The following ZNF106 variants were observed in gnomAD, a reference collection of about 807,000 sequenced individuals.
ZNF106 encodes the protein zinc finger protein 106, also known as SH3-domain binding protein 3.
A neutral mutation model predicts 195.1 loss-of-function variants in ZNF106; 67 were observed. The observed-to-expected ratio is 0.34, with a 90% confidence interval of 0.28 to 0.42. The LOEUF is 0.42. ZNF106 is among the 10% of genes least tolerant of loss of function. The pLI is 1.00. For synonymous variants in ZNF106, 784 were observed against 818.6 expected (o/e 0.96, Z 0.72); for missense variants, 2,118 against 2,304.5 (o/e 0.92, Z 1.66).
rs1422884439 is a variant in ZNF106 at position 42,417,321 on chromosome 15, T to C, written c.5704A>G (p.Ser1902Gly). Residue 1902 changes from serine (S) to glycine (G), a missense_variant, in exon 22 of 22, where the codon AGC becomes GGC. Coordinates refer to ENST00000564754, the MANE Select transcript of ZNF106 (RefSeq NM_001366845.3). ...GHIERHAEDD[S>G]KIDS is the part of the protein sequence containing the mutation. The stretch of plus-strand genomic sequence containing the variant: ...AAAAAACTTCATGAATCAATTTTGC[T>C]GTCATCTTCAGCATGTCGTTCAATA... 1 of 1,614,148 alleles carries C rather than the reference T, an allele frequency of 6.2e-7. No individual in the cohort carries two copies. The highest frequency in any genetic ancestry group is 8.5e-7 in the Non-Finnish European group (1 of 1,180,004).
intron 3 of ZNF106, among the ~76,000 whole-genome samples, chr15:42,461,404 T>C (rs1219270133): frequency 6.6e-6 from 1 of 152,256 alleles, no homozygotes; most frequent in Admixed American, 6.5e-5. Context: ...ATTAGCTTCA[T>C]CCTGTTACCA....
intron 3 of ZNF106, among the ~76,000 whole-genome samples, chr15:42,459,287 C>T (rs112584740): frequency 9.9e-4 from 150 of 152,036 alleles, no homozygotes; most frequent in Non-Finnish European, 1.3e-3. Context: ...ACCACCCGGG[C>T]CAAACTGGTA....
chr15:42,452,681 C>CTTTTT (rs1322441388), intron 4 of ZNF106, among the ~76,000 whole-genome samples: 6 of 101,900 alleles, frequency 5.9e-5, no homozygotes, highest in African/African-American at 1.2e-4. Flanking sequence ...CTATAGTTAT[C>CTTTTT]TTTTTTTTTT....
intron 3 of ZNF106, 99 bp from the exon 4 acceptor site, chr15:42,457,257 T>G (rs776319803): frequency 6.4e-7 from 1 of 1,565,266 alleles, no homozygotes. Context: ...CTGCACACTT[T>G]GGCACAGTGA....
At chr15:42,442,686 T>C (rs2055600008) in intron 9 of ZNF106, among the ~76,000 whole-genome samples, 1 of 149,104 alleles carries the variant, frequency 6.7e-6, no homozygotes, top group African/African-American at 2.5e-5. Flanking sequence ...GTGCAAACAC[T>C]GCTCACTGCA....
intron 14 of ZNF106, among the ~76,000 whole-genome samples, chr15:42,431,926 T>C (rs959064267): frequency 2.6e-5 from 4 of 152,234 alleles, no homozygotes; most frequent in African/African-American, 7.2e-5. Flanking sequence ...TGTTGTACAG[T>C]TCTTGTATAT....
intron 15 of ZNF106, 24 bp from the exon 16 acceptor site, chr15:42,425,049 G>T (rs1279210510): frequency 9.3e-6 from 15 of 1,609,918 alleles, no homozygotes; most frequent in Non-Finnish European, 1.3e-5. Flanking sequence ...CAAGATTACA[G>T]CTAAAACCAA....
At chr15:42,479,953 A>G (rs950499888) in intron 1 of ZNF106, among the ~76,000 whole-genome samples, 6 of 152,142 alleles carry the variant, frequency 3.9e-5, no homozygotes, top group Admixed American at 2.0e-4. Flanking sequence ...AGGTTCAAGC[A>G]ATCTTTCCTA....
intron 1 of ZNF106, among the ~76,000 whole-genome samples, chr15:42,475,664 A>C (rs2056770576): frequency 6.6e-6 from 1 of 152,198 alleles, no homozygotes; most frequent in Admixed American, 6.5e-5. Flanking sequence ...CTGCTTTATA[A>C]TGTAACATCT....
chr15:42,459,621 A>C (rs1477942608), intron 3 of ZNF106, among the ~76,000 whole-genome samples: 1 of 152,252 alleles, frequency 6.6e-6, no homozygotes, highest in Non-Finnish European at 1.5e-5. Context: ...AAAGCAACAC[A>C]CAAAGAAGTT....
intron 1 of ZNF106, among the ~76,000 whole-genome samples, chr15:42,472,699 A>G (rs1391495779): frequency 6.6e-6 from 1 of 152,170 alleles, no homozygotes; most frequent in Non-Finnish European, 1.5e-5. Flanking sequence ...AGATTCTTAG[A>G]ATAAGATTCT....
In ZNF106 at chr15:42,452,031, T is replaced by C. The variant is rs548019619; in HGVS notation, c.318-77A>G. On this transcript the variant is annotated intron_variant, in intron 4 of 21. Transcript: ENST00000564754. ...CTTGAAAGGCATAACCCACCAAACT[T>C]CCCTTGTACTTTCCTCCCGTTACTT... 169 of 1,468,438 alleles carry C rather than the reference T, an allele frequency of 1.2e-4. No individual in the cohort carries two copies. The East Asian group carries it at 3.7e-3, about 32-fold the overall frequency. The allele number at this position is 1,468,438 out of a possible 1,614,324, so 91.0% of individuals were successfully genotyped here.
At chr15:42,480,287 T>G (rs1349730099) in intron 1 of ZNF106, among the ~76,000 whole-genome samples, 1 of 152,180 alleles carries the variant, frequency 6.6e-6, no homozygotes, top group East Asian at 1.9e-4. Flanking sequence ...GAACTGACCT[T>G]TTATTGTTAT....
At chr15:42,436,883 C>T (rs2055291161) in intron 13 of ZNF106, among the ~76,000 whole-genome samples, 1 of 152,328 alleles carries the variant, frequency 6.6e-6, no homozygotes, top group Admixed American at 6.5e-5. Context: ...GTAATCCCAA[C>T]CCCCTTTGCC....
chr15:42,431,260 T>C (rs1017495349), intron 14 of ZNF106, among the ~76,000 whole-genome samples: 2 of 152,032 alleles, frequency 1.3e-5, no homozygotes, highest in African/African-American at 4.8e-5. Flanking sequence ...ATTTATTTAA[T>C]AGCCCAGCAT....
At chr15:42,422,460 T>C in intron 18 of ZNF106, 41 bp downstream of exon 18, 4 of 1,596,806 alleles carry the variant, frequency 2.5e-6, no homozygotes, top group Non-Finnish European at 1.7e-6. Context: ...ATAGACAATC[T>C]CCCCAAATCA....
intron 1 of ZNF106, among the ~76,000 whole-genome samples, chr15:42,489,560 G>A (rs895665732): frequency 5.3e-5 from 8 of 152,126 alleles, no homozygotes; most frequent in African/African-American, 1.9e-4. Flanking sequence ...AGACTCAAGA[G>A]TTAACTCTAG....
chr15:42,466,061 G>A lies in ZNF106; in HGVS notation c.108C>T (p.Leu36=). 6.5e-7 allele frequency: 1 copy of A among 1,534,054 alleles called. No homozygotes were observed. Among genetic ancestry groups the A allele is most frequent in the East Asian group, 2.5e-5 (1 of 40,812 alleles). The part of the protein sequence containing the change: ...SMLHHRELEN[L]KGRDISHECR... ...GAGAGCCGTTCCCATACCTGCCCTT[G>A]AGGTTCTCAAGTTCCCTGTGATGCA... The change falls in exon 3 of 22, where the codon CTC becomes CTT. Residue 36 remains leucine (L), a synonymous_variant. Transcript: ENST00000564754.
At chr15:42,458,428 C>A (rs1223814432) in intron 3 of ZNF106, among the ~76,000 whole-genome samples, 2 of 150,320 alleles carry the variant, frequency 1.3e-5, no homozygotes, top group Admixed American at 6.6e-5. Flanking sequence ...AAAAAAAAGG[C>A]CGGGCTTGGT....
Sources: allele counts gnomAD v4.1 joint callset (sites outside exome capture counted in the v4.1 genomes callset), GRCh38; gene constraint gnomAD v4.1.1; transcripts MANE v1.5; gene names NCBI Gene and HGNC (gene_info 2026-07-23, HGNC 2026-07-21).